The following ABCA13 variants were observed in gnomAD, a reference collection of about 807,000 sequenced individuals.
ABCA13 encodes ATP-binding cassette sub-family A member 13.
In ABCA13, 476 loss-of-function variants were observed where a neutral mutation model predicts 478.7. The observed-to-expected ratio is 0.99, with a 90% CI of 0.92 to 1.07. ABCA13 has a LOEUF of 1.07. ABCA13 is among the 50% of genes least tolerant of loss of function. ABCA13 has a pLI of 0.00. For missense variants in ABCA13, 6,060 were observed against 5,910.6 expected (o/e 1.03, Z -0.83); for synonymous variants, 2,252 against 2,158.9 (o/e 1.04, Z -1.20).
chr7:48,332,991 A>G (rs538009526), intron 27 of ABCA13, among the ~76,000 whole-genome samples: 1 of 152,186 alleles, frequency 6.6e-6, no homozygotes, highest in Non-Finnish European at 1.5e-5. Context: ...CTACAATTTT[A>G]GGAAGTTTTT....
chr7:48,183,250 G>T (rs531700725), intron 1 of ABCA13, among the ~76,000 whole-genome samples: 3 of 152,114 alleles, frequency 2.0e-5, no homozygotes, highest in Admixed American at 6.5e-5. Flanking sequence ...GTTTTTAGTT[G>T]CAACCAAATC....
intron 41 of ABCA13, among the ~76,000 whole-genome samples, chr7:48,418,650 C>A (rs553917582): frequency 7.2e-5 from 11 of 152,086 alleles, no homozygotes; most frequent in Non-Finnish European, 1.3e-4. Context: ...TAGGTCAAAT[C>A]ATATAATTAA....
chr7:48,506,000 CTGAG>C (rs1327000425), intron 48 of ABCA13, among the ~76,000 whole-genome samples: 3 of 152,234 alleles, frequency 2.0e-5, no homozygotes, highest in African/African-American at 7.2e-5. Flanking sequence ...GTTACTTAGC[CTGAG>C]TATGTTTCCT....
At chr7:48,375,618 G>GA (rs938082783) in intron 34 of ABCA13, among the ~76,000 whole-genome samples, 7 of 151,850 alleles carry the variant, frequency 4.6e-5, no homozygotes, top group African/African-American at 1.7e-4. Flanking sequence ...TTTTTTTTGG[G>GA]GGGGGGTGTT....
chr7:48,544,356 C>T (rs2131149320), intron 55 of ABCA13, among the ~76,000 whole-genome samples: 1 of 151,914 alleles, frequency 6.6e-6, no homozygotes, highest in African/African-American at 2.4e-5. Context: ...GCGCTGGCAG[C>T]CTCTAGGTCA....
chr7:48,629,853 G>A (rs1157744240), intron 59 of ABCA13, among the ~76,000 whole-genome samples: 1 of 151,812 alleles, frequency 6.6e-6, no homozygotes, highest in Admixed American at 6.6e-5. Context: ...AAGTAAAAGG[G>A]TAGGAAGGTA....
At chr7:48,565,663 A>G (rs997814477) in intron 55 of ABCA13, among the ~76,000 whole-genome samples, 1 of 152,164 alleles carries the variant, frequency 6.6e-6, no homozygotes, top group Non-Finnish European at 1.5e-5. Context: ...AAAAACAAAA[A>G]CAAAGAAGAA....
intron 43 of ABCA13, among the ~76,000 whole-genome samples, chr7:48,459,825 T>C (rs2129916561): frequency 6.6e-6 from 1 of 152,290 alleles, no homozygotes; most frequent in Middle Eastern, 3.4e-3. Flanking sequence ...AAATGGAGCA[T>C]AGAAAGACAG....
chr7:48,211,153 G>A (rs536712395), intron 3 of ABCA13, among the ~76,000 whole-genome samples: 2 of 152,312 alleles, frequency 1.3e-5, no homozygotes, highest in South Asian at 2.1e-4. Context: ...TTTTCTGGAT[G>A]TTCTTGATGC....
intron 3 of ABCA13, among the ~76,000 whole-genome samples, chr7:48,202,325 GT>G (rs1349962057): frequency 1.3e-5 from 2 of 152,256 alleles, no homozygotes; most frequent in East Asian, 3.9e-4. Flanking sequence ...GGTTCTCCAC[GT>G]CCCCATCAGA....
rs1053231016 is a variant in ABCA13, at chr7:48,279,764, C to T, written c.8570C>T (p.Thr2857Ile). Reference sequence around the variant, plus strand: ...TTTGAGATTTTCATTAAAGCAACCACCGGAAAGAATGTCACATCAGAAAAA... The same window carrying T: ...TTTGAGATTTTCATTAAAGCAACCATCGGAAAGAATGTCACATCAGAAAAA... ...PLFEIFIKAT[T>I]GKNVTSEKEE... is the part of the protein sequence containing the mutation. Residue 2857 changes from threonine (T) to isoleucine (I), a missense_variant, in exon 18 of 62, where the codon ACC (threonine) becomes ATC (isoleucine). Coordinates refer to ENST00000435803, the MANE Select transcript of ABCA13 (RefSeq NM_152701.5). 21 of 1,611,126 alleles carry T rather than the reference C, an allele frequency of 1.3e-5. No individual in the cohort carries two copies. Among genetic ancestry groups the T allele is most frequent in the Non-Finnish European group, 1.4e-5 (16 of 1,179,244 alleles).
intron 3 of ABCA13, among the ~76,000 whole-genome samples, chr7:48,199,177 T>G (rs1294256084): frequency 4.6e-5 from 7 of 152,252 alleles, no homozygotes; most frequent in African/African-American, 1.7e-4. Flanking sequence ...TTTCCAACTC[T>G]AAGTTACAAG....
At chr7:48,362,712 A>G (rs1811076505) in intron 31 of ABCA13, among the ~76,000 whole-genome samples, 1 of 151,812 alleles carries the variant, frequency 6.6e-6, no homozygotes, top group African/African-American at 2.4e-5. Flanking sequence ...TATAAGTAAT[A>G]TAAACCCTTG....
chr7:48,443,841 C>T (rs1823942067), intron 42 of ABCA13, among the ~76,000 whole-genome samples: 1 of 152,130 alleles, frequency 6.6e-6, no homozygotes, highest in African/African-American at 2.4e-5. Flanking sequence ...CCATCCACCT[C>T]CCACCCTCTC....
intron 19 of ABCA13, among the ~76,000 whole-genome samples, chr7:48,286,471 C>G (rs1354333451): frequency 6.7e-6 from 1 of 149,110 alleles, no homozygotes. Context: ...TAGTAATATG[C>G]TGGAACTGTT....
At chr7:48,429,232 A>C (rs768696950) in intron 42 of ABCA13, among the ~76,000 whole-genome samples, 2 of 152,198 alleles carry the variant, frequency 1.3e-5, no homozygotes, top group Non-Finnish European at 2.9e-5. Flanking sequence ...TACTATTGCA[A>C]ATATACTATT....
intron 14 of ABCA13, 83 bp downstream of exon 14, chr7:48,248,527 T>C: frequency 1.8e-6 from 2 of 1,115,538 alleles, no homozygotes; most frequent in Non-Finnish European, 2.5e-6. Context: ...AAATGATAGA[T>C]CAATATGGTA....
intron 29 of ABCA13, among the ~76,000 whole-genome samples, chr7:48,349,720 C>A (rs920756660): frequency 1.3e-5 from 2 of 152,148 alleles, no homozygotes; most frequent in Admixed American, 6.5e-5. Context: ...CTGCCATGTC[C>A]GGGGACAAAT....
chr7:48,298,291 A>G (rs1799682822), intron 22 of ABCA13, 75 bp from the exon 23 acceptor site: 5 of 1,368,762 alleles, frequency 3.7e-6, no homozygotes, highest in Admixed American at 4.9e-5. Flanking sequence ...AGGTTGTAAT[A>G]TCAAATTTTG....
Sources: allele counts gnomAD v4.1 joint callset (sites outside exome capture counted in the v4.1 genomes callset), GRCh38; gene constraint gnomAD v4.1.1; transcripts MANE v1.5; gene names NCBI Gene and HGNC (gene_info 2026-07-23, HGNC 2026-07-21).